Variants in KCND2 observed in about 807,000 individuals in gnomAD.
KCND2 encodes the protein A-type voltage-gated potassium channel KCND2.
KCND2 carries 16 observed loss-of-function variants against 54.4 expected under a neutral mutation model. The observed-to-expected ratio is 0.29, with a 90% confidence interval of 0.20 to 0.45. KCND2 has a LOEUF of 0.45. KCND2 is among the 20% of genes least tolerant of loss of function. The pLI, the probability that KCND2 is intolerant of heterozygous loss-of-function variation, is 1.00. For synonymous variants in KCND2, 317 were observed against 310.7 expected (o/e 1.02, Z -0.21); for missense variants, 486 against 824.2 (o/e 0.59, Z 5.02).
chr7:120,407,330 A>T (rs1348191627), intron 1 of KCND2, among the ~76,000 whole-genome samples: 1 of 152,034 alleles, frequency 6.6e-6, no homozygotes, highest in Non-Finnish European at 1.5e-5. Flanking sequence ...AAGAATGTAG[A>T]GATACATAAG....
intron 1 of KCND2, among the ~76,000 whole-genome samples, chr7:120,607,718 G>A (rs1323884908): frequency 1.3e-5 from 2 of 152,064 alleles, no homozygotes; most frequent in Non-Finnish European, 2.9e-5. Context: ...TTCAAAAAAG[G>A]ATGAGGAAAG....
At chr7:120,745,433 T>G (rs2116188752) in intron 4 of KCND2, among the ~76,000 whole-genome samples, 1 of 152,220 alleles carries the variant, frequency 6.6e-6, no homozygotes, top group East Asian at 1.9e-4. Context: ...CTAATTTCCC[T>G]GTGGGTTTTA....
intron 1 of KCND2, among the ~76,000 whole-genome samples, chr7:120,437,266 G>A (rs527587441): frequency 7.0e-6 from 1 of 142,310 alleles, no homozygotes; most frequent in African/African-American, 2.7e-5. Context: ...GCAGTGACTC[G>A]ATCTCGGCTC....
intron 1 of KCND2, among the ~76,000 whole-genome samples, chr7:120,317,482 G>A (rs562171545): frequency 8.6e-5 from 13 of 151,918 alleles, no homozygotes; most frequent in Admixed American, 2.0e-4. Flanking sequence ...TCCAAAAAAG[G>A]AATGCATTTT....
chr7:120,575,189 C>T (rs1171501584), intron 1 of KCND2, among the ~76,000 whole-genome samples: 2 of 152,036 alleles, frequency 1.3e-5, no homozygotes, highest in Non-Finnish European at 2.9e-5. Context: ...CCACAATAGG[C>T]CGTCTGCAAG....
At chr7:120,722,732 TG>T (rs1792684128) in intron 1 of KCND2, among the ~76,000 whole-genome samples, 1 of 152,092 alleles carries the variant, frequency 6.6e-6, no homozygotes, top group South Asian at 2.1e-4. Context: ...TAAACTCAGA[TG>T]GGGGAAAAAA....
At chr7:120,377,268 A>G (rs933989186) in intron 1 of KCND2, among the ~76,000 whole-genome samples, 1 of 151,974 alleles carries the variant, frequency 6.6e-6, no homozygotes. Context: ...AAGTTATGAT[A>G]TAGAGCTCAA....
intron 1 of KCND2, among the ~76,000 whole-genome samples, chr7:120,639,991 A>G (rs539694900): frequency 6.6e-6 from 1 of 152,282 alleles, no homozygotes; most frequent in East Asian, 1.9e-4. Flanking sequence ...CATATGCATC[A>G]TACCACTTCT....
At chr7:120,347,220 T>C (rs73431941) in intron 1 of KCND2, among the ~76,000 whole-genome samples, 1,706 of 152,262 alleles carry the variant, frequency 0.011, 38 homozygotes, top group African/African-American at 0.039. Flanking sequence ...CTTTTCTGTT[T>C]TTGTCTTCCA....
At chr7:120,510,187 A>G (rs1584807327) in intron 1 of KCND2, among the ~76,000 whole-genome samples, 1 of 152,158 alleles carries the variant, frequency 6.6e-6, no homozygotes. Context: ...TAGCATATTA[A>G]GTACAACATA....
intron 1 of KCND2, among the ~76,000 whole-genome samples, chr7:120,659,577 T>C (rs1423652270): frequency 6.6e-6 from 1 of 152,228 alleles, no homozygotes; most frequent in Non-Finnish European, 1.5e-5. Flanking sequence ...TAAGTTTTCT[T>C]TGATTAAGAT....
At chr7:120,657,631 G>C (rs1266993921) in intron 1 of KCND2, among the ~76,000 whole-genome samples, 1 of 152,214 alleles carries the variant, frequency 6.6e-6, no homozygotes, top group Admixed American at 6.5e-5. Context: ...GCAAGAGGAT[G>C]ACTTGACTCC....
At chr7:120,494,987 G>A (rs909376175) in intron 1 of KCND2, among the ~76,000 whole-genome samples, 1 of 152,182 alleles carries the variant, frequency 6.6e-6, no homozygotes, top group African/African-American at 2.4e-5. Flanking sequence ...AATAGCCATG[G>A]AGTGTATAAT....
intron 1 of KCND2, among the ~76,000 whole-genome samples, chr7:120,535,781 G>T (rs1791899114): frequency 1.3e-5 from 2 of 152,170 alleles, no homozygotes; most frequent in Non-Finnish European, 2.9e-5. Flanking sequence ...ACTGAGGATA[G>T]GAAATAAATG....
At chr7:120,445,357 T>A (rs1016893518) in intron 1 of KCND2, among the ~76,000 whole-genome samples, 1 of 152,166 alleles carries the variant, frequency 6.6e-6, no homozygotes, top group East Asian at 1.9e-4. Flanking sequence ...AAGTAATGAA[T>A]ACATGGATTC....
intron 1 of KCND2, among the ~76,000 whole-genome samples, chr7:120,583,828 G>C (rs540905976): frequency 1.6e-4 from 25 of 151,588 alleles, no homozygotes; most frequent in African/African-American, 5.1e-4. Context: ...AAGTAGCAAA[G>C]TAATTGTGTG....
intron 1 of KCND2, among the ~76,000 whole-genome samples, chr7:120,399,057 T>G (rs1801202202): frequency 6.6e-6 from 1 of 152,014 alleles, no homozygotes; most frequent in African/African-American, 2.4e-5. Flanking sequence ...TAACACCCAC[T>G]TTACATTATC....
intron 1 of KCND2, among the ~76,000 whole-genome samples, chr7:120,618,013 A>C (rs1385968664): frequency 4.0e-5 from 6 of 149,846 alleles, no homozygotes; most frequent in Non-Finnish European, 7.4e-5. Flanking sequence ...CTACTCAAAC[A>C]GTGAGAGTAG....
intron 1 of KCND2, among the ~76,000 whole-genome samples, chr7:120,301,104 A>G (rs1207739305): frequency 3.3e-5 from 5 of 152,156 alleles, no homozygotes; most frequent in Admixed American, 1.3e-4. Context: ...CAACAATAAA[A>G]CAATAACAAA....
Sources: allele counts gnomAD v4.1 joint callset (sites outside exome capture counted in the v4.1 genomes callset), GRCh38; gene constraint gnomAD v4.1.1; transcripts MANE v1.5; gene names NCBI Gene and HGNC (gene_info 2026-07-23, HGNC 2026-07-21).